The following INTS4 variants were observed in gnomAD, a reference collection of about 807,000 sequenced individuals.
INTS4 encodes integrator complex subunit 4, also known as MSTP093.
A neutral mutation model predicts 119.5 loss-of-function variants in INTS4; 70 were observed. The observed-to-expected ratio is 0.59, with a 90% CI of 0.48 to 0.71. INTS4 has a LOEUF of 0.71. Ranked by LOEUF, INTS4 falls within the 30% of genes least tolerant of loss-of-function variation. The pLI is 0.00. For synonymous variants in INTS4, 316 were observed against 419.6 expected, an observed-to-expected ratio of 0.75 and a Z score of 3.02; for missense variants, 867 against 1,173.2, an observed-to-expected ratio of 0.74 and a Z score of 3.81.
chr11:77,961,669 C>T (rs566737143), intron 4 of INTS4, among the ~76,000 whole-genome samples: 51 of 152,262 alleles, frequency 3.3e-4, no homozygotes, highest in African/African-American at 1.2e-3. Flanking sequence ...CCAAAAATAG[C>T]TACTATCCTG....
intron 15 of INTS4, among the ~76,000 whole-genome samples, chr11:77,914,344 T>C (rs1953157646): frequency 6.6e-6 from 1 of 152,244 alleles, no homozygotes; most frequent in Non-Finnish European, 1.5e-5. Flanking sequence ...CCTTTTGCAC[T>C]TGCTTTAGTG....
chr11:77,990,918 A>G (rs1453030873), intron 2 of INTS4, among the ~76,000 whole-genome samples, 190 bp downstream of exon 2: 1 of 152,046 alleles, frequency 6.6e-6, no homozygotes, highest in African/African-American at 2.4e-5. Flanking sequence ...TCCATCTACT[A>G]TACACAGTAT....
At chr11:77,933,423 G>A (rs961187609) in intron 10 of INTS4, among the ~76,000 whole-genome samples, 4 of 152,108 alleles carry the variant, frequency 2.6e-5, no homozygotes, top group Non-Finnish European at 4.4e-5. Context: ...ACGGGGTTTC[G>A]CTGTGTTGGC....
At chr11:77,938,454 A>G (rs1193645360) in intron 10 of INTS4, among the ~76,000 whole-genome samples, 197 bp downstream of exon 10, 1 of 152,168 alleles carries the variant, frequency 6.6e-6, no homozygotes, top group Non-Finnish European at 1.5e-5. Context: ...GACTGAACCC[A>G]AATCTCTTGC....
At chr11:77,956,571 GT>G (rs758172447) in intron 7 of INTS4, among the ~76,000 whole-genome samples, 1 of 152,032 alleles carries the variant, frequency 6.6e-6, no homozygotes, top group Non-Finnish European at 1.5e-5. Context: ...GCCAGGCATG[GT>G]GACACATGTC....
At chr11:77,874,696 C>G (rs2136330781), downstream of INTS4, among the ~76,000 whole-genome samples, 1 of 152,292 alleles carries the variant, frequency 6.6e-6, no homozygotes, top group Non-Finnish European at 1.5e-5. Flanking sequence ...GTAGGTAGAA[C>G]AGCCCTCAAG....
rs552120262 is a variant in INTS4, at chr11:77,919,692, T to G, written c.1765-714A>C. 7.9e-5 allele frequency among the ~76,000 whole-genome samples: 12 copies of G among 152,388 alleles called. No homozygotes were observed. The East Asian group carries it at 2.3e-3, about 29-fold the overall frequency. ...TAATTTTTTCATGAGAATAATTTTT[T>G]TTTATTTTTGGCCTAGCCCTACAGA... is the stretch of plus-strand genomic sequence containing the variant. On this transcript the variant is annotated intron_variant, in intron 14 of 22. Transcript: ENST00000534064.
rs548323273 is a variant in INTS4, at chr11:77,946,435, A to G, written c.919-5184T>C. 8.5e-5 allele frequency among the ~76,000 whole-genome samples: 13 copies of G among 152,288 alleles called. No individual in the cohort carries two copies. The East Asian group carries it at 2.5e-3, about 29-fold the overall frequency. On this transcript the variant is annotated intron_variant, in intron 8 of 22. Transcript: ENST00000534064. Reference sequence around the variant, plus strand: ...CAGTATCTTACACACGATAAATGAAAATCAAGGAAACATGACACCCTCAAA... The same window carrying G: ...CAGTATCTTACACACGATAAATGAAGATCAAGGAAACATGACACCCTCAAA...
intron 10 of INTS4, among the ~76,000 whole-genome samples, chr11:77,930,735 T>C (rs569959043): frequency 1.4e-3 from 208 of 152,272 alleles, no homozygotes; most frequent in South Asian, 8.7e-3. Flanking sequence ...ATCCCAGCAC[T>C]TTGAGAGGCC....
intron 16 of INTS4, among the ~76,000 whole-genome samples, chr11:77,904,090 C>G (rs1952865708): frequency 6.6e-6 from 1 of 152,152 alleles, no homozygotes; most frequent in African/African-American, 2.4e-5. Flanking sequence ...AGCAGCTTTC[C>G]TAGATTTCTC....
chr11:77,878,826 G>T lies in INTS4; in HGVS notation c.*123C>A. ...TTATCCTGTGTTTGATACCAGATGA[G>T]ACTGTAAGGGTCACATACTCCTTAA... On this transcript the variant is annotated 3_prime_UTR_variant, in exon 23 of 23. Transcript: ENST00000534064. 1 of 785,918 alleles carries T rather than the reference G, an allele frequency of 1.3e-6. No homozygotes were observed. The highest frequency in any genetic ancestry group is 2.3e-6 in the Non-Finnish European group (1 of 439,424). 48.7% of individuals were successfully genotyped at this position (785,918 alleles called of 1,614,324 possible).
At chr11:77,922,938 G>C (rs1210006092) in intron 12 of INTS4, 1 of 193,930 alleles carries the variant, frequency 5.2e-6, no homozygotes, top group East Asian at 1.6e-4. Flanking sequence ...GGATGTTTTT[G>C]CAAATCAAAA....
chr11:77,927,176 G>A (rs1217967544), intron 11 of INTS4, among the ~76,000 whole-genome samples: 1 of 152,124 alleles, frequency 6.6e-6, no homozygotes, highest in Non-Finnish European at 1.5e-5. Flanking sequence ...TTCAAGGTGA[G>A]GAATGGTGGA....
intron 8 of INTS4, among the ~76,000 whole-genome samples, chr11:77,946,176 C>A (rs1001214178): frequency 2.6e-5 from 4 of 152,238 alleles, no homozygotes; most frequent in African/African-American, 7.2e-5. Context: ...CTCCCACAGC[C>A]TAGGCAACTG....
chr11:77,970,962 C>G (rs1045519560), intron 4 of INTS4, among the ~76,000 whole-genome samples: 1 of 151,964 alleles, frequency 6.6e-6, no homozygotes, highest in Non-Finnish European at 1.5e-5. Flanking sequence ...CGCCCACCAC[C>G]ATGCCTGGCT....
intron 15 of INTS4, chr11:77,915,079 C>T (rs1206561792): frequency 5.3e-6 from 1 of 188,098 alleles, no homozygotes; most frequent in Admixed American, 5.2e-5. Context: ...GATTCATGTT[C>T]TGCAGCCCTT....
chr11:77,951,122 A>C (rs1954183753), intron 8 of INTS4, among the ~76,000 whole-genome samples: 1 of 151,982 alleles, frequency 6.6e-6, no homozygotes, highest in South Asian at 2.1e-4. Flanking sequence ...CCAGTCTGTC[A>C]TTGTTGGACA....
intron 3 of INTS4, among the ~76,000 whole-genome samples, chr11:77,979,436 C>T (rs1021456761): frequency 1.3e-5 from 2 of 151,832 alleles, no homozygotes; most frequent in Admixed American, 6.6e-5. Context: ...AATCGCGCCA[C>T]AGCACTCCAG....
chr11:77,882,416 T>G (rs569779471), intron 22 of INTS4, among the ~76,000 whole-genome samples: 1 of 152,226 alleles, frequency 6.6e-6, no homozygotes, highest in South Asian at 2.1e-4. Flanking sequence ...TCTCAAGACC[T>G]TCCACGATCT....
Sources: allele counts gnomAD v4.1 joint callset (sites outside exome capture counted in the v4.1 genomes callset), GRCh38; gene constraint gnomAD v4.1.1; transcripts MANE v1.5; gene names NCBI Gene and HGNC (gene_info 2026-07-23, HGNC 2026-07-21).